KIF23: variants seen among roughly 807,000 people sequenced by gnomAD.
The protein encoded by KIF23 is kinesin family member 23.
A neutral mutation model predicts 137.5 loss-of-function variants in KIF23; 30 were observed. The observed-to-expected ratio is 0.22, with a 90% CI of 0.16 to 0.30. KIF23 has a LOEUF of 0.30. Ranked by LOEUF, KIF23 falls within the 10% of genes least tolerant of loss-of-function variation. The probability of loss-of-function intolerance (pLI) is 1.00; values close to 1 mark genes in which losing one functional copy is unlikely to be tolerated. For missense variants in KIF23, 920 were observed against 1,194.3 expected (o/e 0.77, Z 3.38); for synonymous variants, 367 against 391.1 (o/e 0.94, Z 0.73).
intron 7 of KIF23, among the ~76,000 whole-genome samples, chr15:69,423,788 A>G (rs529785196): frequency 6.6e-6 from 1 of 152,298 alleles, no homozygotes; most frequent in East Asian, 1.9e-4. Context: ...TTAATATGGT[A>G]TGATATCTGC....
chr15:69,430,564 G>A (rs916881926), intron 11 of KIF23, among the ~76,000 whole-genome samples: 3 of 152,206 alleles, frequency 2.0e-5, no homozygotes, highest in Non-Finnish European at 4.4e-5. Flanking sequence ...TTGAGTAGGA[G>A]TGAGCTGTAT....
intron 11 of KIF23, chr15:69,434,883 T>C: frequency 1.4e-6 from 1 of 734,036 alleles, no homozygotes; most frequent in Non-Finnish European, 2.3e-6. Context: ...TGCGCGGCCA[T>C]GCTTGCCCAT....
chr15:69,436,767 T>C (rs753506814), intron 15 of KIF23, 45 bp downstream of exon 15: 10 of 1,304,338 alleles, frequency 7.7e-6, no homozygotes, highest in Non-Finnish European at 1.0e-5. Context: ...ATTATTTTTT[T>C]TTTTTGAGAC....
At chr15:69,433,786 T>C (rs2057409220) in intron 11 of KIF23, among the ~76,000 whole-genome samples, 1 of 152,126 alleles carries the variant, frequency 6.6e-6, no homozygotes, top group Non-Finnish European at 1.5e-5. Context: ...GCACACTTAT[T>C]TGGAAAACAA....
At chr15:69,431,570 C>T (rs1011156665) in intron 11 of KIF23, among the ~76,000 whole-genome samples, 5 of 151,398 alleles carry the variant, frequency 3.3e-5, no homozygotes, top group Admixed American at 6.6e-5. Context: ...GCCGAGATCG[C>T]GCCATTGCAC....
chr15:69,443,451 A>G (rs987789067), intron 19 of KIF23, among the ~76,000 whole-genome samples: 7 of 139,192 alleles, frequency 5.0e-5, no homozygotes, highest in Admixed American at 1.6e-4. Context: ...TGATCGTTCT[A>G]CCTCAGCCTC....
chr15:69,433,960 G>C (rs1019367261), intron 11 of KIF23, among the ~76,000 whole-genome samples: 1 of 152,118 alleles, frequency 6.6e-6, no homozygotes. Context: ...GAATCATTTG[G>C]AGTACTCTGT....
At chr15:69,428,239 G>C (rs1035111266) in intron 10 of KIF23, among the ~76,000 whole-genome samples, 5 of 151,710 alleles carry the variant, frequency 3.3e-5, no homozygotes, top group African/African-American at 1.2e-4. Context: ...TGGCGACAGA[G>C]TGAGACTCTG....
At chr15:69,443,021 C>T (rs2057658474) in intron 19 of KIF23, among the ~76,000 whole-genome samples, 1 of 152,064 alleles carries the variant, frequency 6.6e-6, no homozygotes, top group African/African-American at 2.4e-5. Context: ...TTGAAGAAAA[C>T]CTTTGTTTTT....
intron 20 of KIF23, among the ~76,000 whole-genome samples, chr15:69,445,445 T>C (rs533209813): frequency 1.2e-3 from 185 of 152,244 alleles, no homozygotes; most frequent in Non-Finnish European, 2.0e-3. Flanking sequence ...TTACTCAGTA[T>C]TGAGCTGCCT....
intron 11 of KIF23, among the ~76,000 whole-genome samples, chr15:69,432,258 C>G (rs1596002331): frequency 6.6e-6 from 1 of 152,094 alleles, no homozygotes; most frequent in East Asian, 1.9e-4. Context: ...ATGGCAGAGG[C>G]TCCAGGTTTT....
chr15:69,421,627 ATTTTT>A lies in KIF23; in HGVS notation c.211-17_211-13del, dbSNP rs755984144. 4 of 1,480,028 alleles carry A rather than the reference ATTTTT, an allele frequency of 2.7e-6. No homozygotes were observed. Among genetic ancestry groups the A allele is most frequent in the Middle Eastern group, 1.7e-4 (1 of 5,836 alleles). The allele number at this position is 1,480,028 out of a possible 1,614,324, so 91.7% of individuals were successfully genotyped here. A position where few individuals can be genotyped will look rare whatever the true frequency, so the allele number is the denominator to read the frequency against. On this transcript the variant is annotated splice_polypyrimidine_tract_variant and intron_variant, in intron 3 of 23. Transcript: ENST00000679126. Reference sequence around the variant, plus strand: ...ATAATAGTGGAATTCTATTTAGTGCATTTTTTTCTCTCTCCACAGACTCAGTATTC... The same window carrying A: ...ATAATAGTGGAATTCTATTTAGTGCATTCTCTCTCCACAGACTCAGTATTC...
At chr15:69,426,026 C>T (rs1483389314) in intron 8 of KIF23, 44 bp from the exon 9 acceptor site, 2 of 1,159,896 alleles carry the variant, frequency 1.7e-6, no homozygotes, top group Non-Finnish European at 1.2e-6. Flanking sequence ...AAGATACCAG[C>T]ATCTCATAAT....
intron 19 of KIF23, chr15:69,443,656 T>G (rs1369602479): frequency 6.6e-6 from 1 of 152,150 alleles, no homozygotes; most frequent in Non-Finnish European, 1.5e-5. Flanking sequence ...CAGGAGATGT[T>G]CATAAAATTC....
rs1311009420 is a variant in KIF23 at position 69,444,599 on chromosome 15, TAA to T, written c.2422-190_2422-189del. ...AAGGGAAACTCCCAGATAGAATGTG[TAA>T]CATACAAGTTGGTGTTAAAGATGTT... On this transcript the variant is annotated intron_variant, in intron 19 of 23. Transcript: ENST00000679126. This position sits in a 1 kb window ranked among gnomAD's most constrained non-coding sequence, Gnocchi z 4.2. 1 of 590,136 alleles carries T rather than the reference TAA, an allele frequency of 1.7e-6. No homozygotes were observed. The highest frequency in any genetic ancestry group is 1.9e-5 in the African/African-American group (1 of 53,204). The allele number at this position is 590,136 out of a possible 1,614,324, so 36.6% of individuals were successfully genotyped here.
At chr15:69,435,459 C>T (rs774606614) in intron 11 of KIF23, 24 bp from the exon 12 acceptor site, 38 of 1,573,152 alleles carry the variant, frequency 2.4e-5, no homozygotes, top group Middle Eastern at 1.7e-4. Flanking sequence ...TCTGAAATGG[C>T]GTCTATGTAT....
intron 8 of KIF23, among the ~76,000 whole-genome samples, chr15:69,425,576 A>G (rs1159367152): frequency 1.3e-5 from 2 of 152,212 alleles, no homozygotes; most frequent in African/African-American, 4.8e-5. Flanking sequence ...ATCTTGTCAT[A>G]CAGACTAAAA....
In KIF23 at chr15:69,426,433, T is replaced by A; in HGVS notation, c.987T>A (p.Asp329Glu). Residue 329 changes from aspartate (D) to glutamate (E), a missense_variant, in exon 10 of 24, where the codon GAT becomes GAA. By Grantham distance (45) the Asp-to-Glu change is conservative. Coordinates refer to ENST00000679126, the MANE Select transcript of KIF23 (RefSeq NM_001367805.3). ...TTAAATTAGTTCAGGCTCCCTTGGA[T>A]GCAGATGGAGACAATGTCTTACAGG... The part of the protein sequence containing the change: ...FNIKLVQAPL[D>E]ADGDNVLQEK... 1 of 1,614,196 alleles carries A rather than the reference T, an allele frequency of 6.2e-7. No homozygotes were observed. The highest frequency in any genetic ancestry group is 1.1e-5 in the South Asian group (1 of 91,088).
At chr15:69,446,802 G>T in intron 22 of KIF23, 69 bp from the exon 23 acceptor site, 1 of 1,401,524 alleles carries the variant, frequency 7.1e-7, no homozygotes, top group African/African-American at 1.4e-5. Context: ...TGTGGAGCCT[G>T]CTAAATAACT....
Sources: allele counts gnomAD v4.1 joint callset (sites outside exome capture counted in the v4.1 genomes callset), GRCh38; gene constraint gnomAD v4.1.1; non-coding constraint Gnocchi (gnomAD v3.1); transcripts MANE v1.5; gene names NCBI Gene and HGNC (gene_info 2026-07-23, HGNC 2026-07-21).